Variants in PPM1H observed in about 807,000 individuals in gnomAD.
The protein encoded by PPM1H is protein phosphatase 1H.
In PPM1H, 27 loss-of-function variants were observed where a neutral mutation model predicts 54.9. The ratio of observed to expected loss-of-function variants is 0.49; its 90% CI spans 0.36 to 0.68. PPM1H has a LOEUF of 0.68. Ranked by LOEUF, PPM1H falls within the 30% of genes least tolerant of loss-of-function variation. The pLI, the probability that PPM1H is intolerant of heterozygous loss-of-function variation, is 0.00. For synonymous variants in PPM1H, 305 were observed against 270.8 expected, an observed-to-expected ratio of 1.13 and a Z score of -1.24; for missense variants, 596 against 667.8, an observed-to-expected ratio of 0.89 and a Z score of 1.19.
chr12:62,742,673 C>T (rs906338555), intron 4 of PPM1H, among the ~76,000 whole-genome samples: 1 of 152,182 alleles, frequency 6.6e-6, no homozygotes, highest in Admixed American at 6.5e-5. Flanking sequence ...GCCGTGGCTG[C>T]GAGGGTGCAG....
At chr12:62,662,394 A>G (rs988805484) in intron 9 of PPM1H, among the ~76,000 whole-genome samples, 1 of 152,236 alleles carries the variant, frequency 6.6e-6, no homozygotes, top group Non-Finnish European at 1.5e-5. Flanking sequence ...AGTGCCATCA[A>G]TTCCTCCACA....
In PPM1H at chr12:62,802,150, C is replaced by A. The variant is rs935947316; in HGVS notation, c.422G>T (p.Gly141Val). 6.4e-7 allele frequency: 1 copy of A among 1,565,156 alleles called. No individual in the cohort carries two copies. Among genetic ancestry groups the A allele is most frequent in the Admixed American group, 1.8e-5 (1 of 55,642 alleles). ...CAGCGACCAATAGTGGCAGGAAACA[C>A]CCTCGGATTCCTGTGGGAGAGGACG... Reference protein sequence around the residue: ...LQLKENSESEGVSCHYWSLFD... With the variant: ...LQLKENSESEVVSCHYWSLFD... The change falls in exon 3 of 10, where the codon GGT (glycine) becomes GTT (valine). Residue 141 changes from glycine to valine, a missense_variant. Physicochemically the swap from Gly to Val is moderately radical, Grantham distance 109. Coordinates refer to ENST00000228705, the MANE Select transcript of PPM1H (RefSeq NM_020700.2).
chr12:62,849,865 C>T (rs1218778700), intron 1 of PPM1H, among the ~76,000 whole-genome samples: 1 of 152,190 alleles, frequency 6.6e-6, no homozygotes, highest in Non-Finnish European at 1.5e-5. Context: ...TAGCTCTAAT[C>T]CAAAGGTGAC....
At chr12:62,727,657 A>ATTATTATTATTATTG (rs1191059483) in intron 5 of PPM1H, among the ~76,000 whole-genome samples, 1 of 147,684 alleles carries the variant, frequency 6.8e-6, no homozygotes, top group Non-Finnish European at 1.5e-5. Flanking sequence ...TATTATTATT[A>ATTATTATTATTATTG]TTATTATTAT....
chr12:62,889,254 A>T (rs1870697044), intron 1 of PPM1H, among the ~76,000 whole-genome samples: 1 of 152,198 alleles, frequency 6.6e-6, no homozygotes, highest in Non-Finnish European at 1.5e-5. Flanking sequence ...TATTTTGTGG[A>T]TACTGACAAA....
At chr12:62,859,796 A>G (rs964119785) in intron 1 of PPM1H, among the ~76,000 whole-genome samples, 1 of 152,178 alleles carries the variant, frequency 6.6e-6, no homozygotes, top group African/African-American at 2.4e-5. Flanking sequence ...ACCTAAGGAG[A>G]GGGCACATCC....
At chr12:62,828,131 T>C (rs1868310437) in intron 2 of PPM1H, among the ~76,000 whole-genome samples, 1 of 152,154 alleles carries the variant, frequency 6.6e-6, no homozygotes, top group Non-Finnish European at 1.5e-5. Flanking sequence ...GCTACCATAT[T>C]TGAGTTTTAC....
chr12:62,645,805 T>TAAG lies in PPM1H; in HGVS notation c.*2681_*2683dup. 1 of 152,340 alleles carries TAAG rather than the reference T, an allele frequency of 6.6e-6. No homozygotes were observed. Among genetic ancestry groups the TAAG allele is most frequent in the Non-Finnish European group, 1.5e-5 (1 of 68,038 alleles). The allele number at this position is 152,340 out of a possible 1,614,324, so 9.4% of individuals were successfully genotyped here. On this transcript the variant is annotated 3_prime_UTR_variant, in exon 10 of 10. Transcript: ENST00000228705. ...CTATTCGAGCAAGCAGATTTGGCTA[T>TAAG]AAGTCAGATACGCAAGATTTCTGAA...
rs1349797692 is a variant in PPM1H, at chr12:62,646,120, T to C, written c.*2369A>G. Reference sequence around the variant, plus strand: ...TGAACACAAACTTGACTTTATCTTCTAACTAAGATCTTTCCACTCAAGGGG... The same window carrying C: ...TGAACACAAACTTGACTTTATCTTCCAACTAAGATCTTTCCACTCAAGGGG... On this transcript the variant is annotated 3_prime_UTR_variant, in exon 10 of 10. Coordinates refer to ENST00000228705, the MANE Select transcript of PPM1H (RefSeq NM_020700.2). The C allele has an allele frequency of 6.6e-6, 1 of 152,226 alleles. No individual in the cohort carries two copies. Among genetic ancestry groups the C allele is most frequent in the Admixed American group, 6.5e-5 (1 of 15,290 alleles). The allele number at this position is 152,226 out of a possible 1,614,324, so 9.4% of individuals were successfully genotyped here. A position where few individuals can be genotyped will look rare whatever the true frequency, so the allele number is the denominator to read the frequency against.
chr12:62,836,134 G>T (rs771098203), intron 1 of PPM1H, among the ~76,000 whole-genome samples: 1 of 152,118 alleles, frequency 6.6e-6, no homozygotes, highest in Non-Finnish European at 1.5e-5. Context: ...CAATACTTAC[G>T]CATGATGCTT....
chr12:62,717,914 AAG>A (rs565475354), intron 6 of PPM1H, among the ~76,000 whole-genome samples: 142 of 152,318 alleles, frequency 9.3e-4, no homozygotes, highest in Non-Finnish European at 1.5e-3. Context: ...ATCTGCAACA[AAG>A]ATACTTTTCC....
intron 5 of PPM1H, among the ~76,000 whole-genome samples, chr12:62,729,293 T>C (rs923436149): frequency 6.6e-6 from 1 of 152,148 alleles, no homozygotes; most frequent in South Asian, 2.1e-4. Context: ...CTAGGGCAAG[T>C]GTGGCCACAG....
chr12:62,891,883 A>C (rs12311879), intron 1 of PPM1H, among the ~76,000 whole-genome samples: 1,526 of 152,298 alleles, frequency 0.01, 24 homozygotes, highest in African/African-American at 0.035. Context: ...GTTCCAGACT[A>C]CTGAGTCATT....
At chr12:62,761,208 A>G (rs1177728729) in intron 4 of PPM1H, among the ~76,000 whole-genome samples, 1 of 152,242 alleles carries the variant, frequency 6.6e-6, no homozygotes, top group Non-Finnish European at 1.5e-5. Context: ...TAAGGACTCC[A>G]CAGTTACGGA....
intron 6 of PPM1H, among the ~76,000 whole-genome samples, chr12:62,696,498 C>G (rs1487559689): frequency 6.6e-6 from 1 of 152,190 alleles, no homozygotes; most frequent in Non-Finnish European, 1.5e-5. Flanking sequence ...CCTTCTCCCC[C>G]TCCATCTTTC....
At chr12:62,659,663 C>A (rs1415582960) in intron 9 of PPM1H, among the ~76,000 whole-genome samples, 1 of 152,132 alleles carries the variant, frequency 6.6e-6, no homozygotes, top group Admixed American at 6.6e-5. Context: ...AAAAGCCCAA[C>A]AATCAAACGA....
chr12:62,815,197 G>T (rs543923916), intron 2 of PPM1H, among the ~76,000 whole-genome samples: 16 of 134,920 alleles, frequency 1.2e-4, no homozygotes, highest in African/African-American at 4.5e-4. Context: ...CTTTTTTTTT[G>T]ACTAAATTGT....
chr12:62,926,969 CAACA>C (rs971626091), intron 1 of PPM1H, among the ~76,000 whole-genome samples: 1 of 152,120 alleles, frequency 6.6e-6, no homozygotes, highest in Non-Finnish European at 1.5e-5. Context: ...ACAACAACAA[CAACA>C]AAAAGATATT....
intron 9 of PPM1H, among the ~76,000 whole-genome samples, chr12:62,657,869 T>C (rs553810959): frequency 2.5e-4 from 38 of 152,282 alleles, no homozygotes; most frequent in Admixed American, 1.1e-3. Context: ...CACAGCTATC[T>C]GAGCCAAGGA....
Sources: allele counts gnomAD v4.1 joint callset (sites outside exome capture counted in the v4.1 genomes callset), GRCh38; gene constraint gnomAD v4.1.1; transcripts MANE v1.5; gene names NCBI Gene and HGNC (gene_info 2026-07-23, HGNC 2026-07-21).